AKAP9: variants seen among roughly 807,000 people sequenced by gnomAD.
The protein encoded by AKAP9 is A-kinase anchoring protein 9.
In AKAP9, 311 loss-of-function variants were observed where a neutral mutation model predicts 488.5. The observed-to-expected ratio is 0.64, with a 90% CI of 0.58 to 0.70. AKAP9 has a LOEUF of 0.70. AKAP9 is among the 30% of genes least tolerant of loss of function. The pLI is 0.00. For missense variants in AKAP9, 4,215 were observed against 4,374.5 expected (o/e 0.96, Z 1.03); for synonymous variants, 1,462 against 1,483.5 (o/e 0.99, Z 0.33).
chr7:91,951,480 A>G (rs1487619641), intron 1 of AKAP9, among the ~76,000 whole-genome samples: 2 of 151,996 alleles, frequency 1.3e-5, no homozygotes, highest in Admixed American at 1.3e-4. Flanking sequence ...GCTCACCACC[A>G]TGCCTGGCTA....
chr7:92,103,367 G>A (rs1383554909), intron 46 of AKAP9, among the ~76,000 whole-genome samples: 3 of 119,090 alleles, frequency 2.5e-5, no homozygotes, highest in African/African-American at 9.7e-5. Flanking sequence ...CTCCAGCCAT[G>A]TGACAGAGTG....
At chr7:91,971,653 T>G (rs905020685) in intron 1 of AKAP9, among the ~76,000 whole-genome samples, 1 of 144,838 alleles carries the variant, frequency 6.9e-6, no homozygotes, top group Admixed American at 7.2e-5. Context: ...CTGCAAGCTC[T>G]GCCTCCCGGG....
rs181366165 is a variant in AKAP9, at chr7:91,996,770, C to T, written c.930+970C>T. On this transcript the variant is annotated intron_variant, in intron 7 of 49. Coordinates refer to ENST00000356239, the MANE Select transcript of AKAP9 (RefSeq NM_005751.5). ...ATACTTTTTATAAACTTAGGAGGTTCTTCTGCAAGAGGTTGAGAAATTACC... is the reference window on the plus strand; with the variant it reads ...ATACTTTTTATAAACTTAGGAGGTTTTTCTGCAAGAGGTTGAGAAATTACC... Among the ~76,000 whole-genome samples, 21 of 152,228 alleles carry T rather than the reference C, an allele frequency of 1.4e-4. 1 individual carries two copies. In the East Asian group the frequency reaches 3.9e-3, roughly 28 times the overall value.
chr7:92,047,768 T>A (rs761991122), intron 21 of AKAP9, among the ~76,000 whole-genome samples: 4 of 152,210 alleles, frequency 2.6e-5, no homozygotes, highest in Non-Finnish European at 4.4e-5. Context: ...AATATTGAGA[T>A]AAGAGAAAAA....
intron 6 of AKAP9, 90 bp downstream of exon 6, chr7:91,994,866 A>C: frequency 1.6e-6 from 2 of 1,288,918 alleles, no homozygotes; most frequent in South Asian, 2.7e-5. Context: ...ATTTGTTAAA[A>C]AAGCCATTTC....
intron 1 of AKAP9, among the ~76,000 whole-genome samples, chr7:91,970,694 T>C (rs1562913752): frequency 6.6e-6 from 1 of 152,188 alleles, no homozygotes; most frequent in Non-Finnish European, 1.5e-5. Context: ...ACCTGTATGG[T>C]ATCTGTTGAG....
chr7:91,998,417 T>C (rs909578583), intron 7 of AKAP9, among the ~76,000 whole-genome samples: 23 of 92,440 alleles, frequency 2.5e-4, no homozygotes, highest in African/African-American at 9.2e-4. Flanking sequence ...ACCACAGGGC[T>C]CTTTTTTTTT....
intron 1 of AKAP9, among the ~76,000 whole-genome samples, chr7:91,952,795 G>A (rs891307876): frequency 2.0e-5 from 3 of 152,104 alleles, no homozygotes; most frequent in African/African-American, 7.2e-5. Context: ...AGATTGTGGG[G>A]ATCTATTAAT....
At chr7:91,952,439 C>G (rs1792377762) in intron 1 of AKAP9, among the ~76,000 whole-genome samples, 1 of 152,074 alleles carries the variant, frequency 6.6e-6, no homozygotes. Flanking sequence ...ATTCTGGGTC[C>G]ATGAAAAACA....
chr7:92,061,893 A>T (rs151186638), intron 23 of AKAP9, among the ~76,000 whole-genome samples: 3 of 152,050 alleles, frequency 2.0e-5, no homozygotes, highest in Non-Finnish European at 4.4e-5. Context: ...TACTTAAAAT[A>T]CCAACCTTCT....
Position 92,098,030 on chromosome 7 carries a change from C to T in AKAP9, c.10608-79C>T, listed in dbSNP as rs545315870. The stretch of plus-strand genomic sequence containing the variant: ...AGAAGTGATAGGTGAAGTAGAACGT[C>T]GCCTGCTCTGTAATGTTTGTGGTAG... On this transcript the variant is annotated intron_variant, in intron 42 of 49. Coordinates refer to ENST00000356239, the MANE Select transcript of AKAP9 (RefSeq NM_005751.5). The T allele has an allele frequency of 5.1e-6, 5 of 974,718 alleles. No homozygotes were observed. The East Asian group carries it at 7.5e-5, about 15-fold the overall frequency. The allele number at this position is 974,718 out of a possible 1,614,324, so 60.4% of individuals were successfully genotyped here.
chr7:92,064,678 A>G (rs1334710088), intron 24 of AKAP9, among the ~76,000 whole-genome samples: 8 of 152,330 alleles, frequency 5.3e-5, no homozygotes, highest in Admixed American at 6.5e-5. Flanking sequence ...TGCAAAAGCA[A>G]CTCAGGAATA....
rs1278319125 is a variant in AKAP9 at position 92,034,482 on chromosome 7, A to ATC, written c.4338+2879_4338+2880insCT. ...GAGTTGTATTGTAGTGTATATATCT[A>ATC]TATATATATATATATATTTTTTTTT... On this transcript the variant is annotated intron_variant, in intron 16 of 49. Coordinates refer to ENST00000356239, the MANE Select transcript of AKAP9 (RefSeq NM_005751.5). 6.1e-3 allele frequency among the ~76,000 whole-genome samples: 670 copies of ATC among 109,204 alleles called. 2 individuals are homozygous for ATC. The highest frequency in any genetic ancestry group is 0.021 in the African/African-American group (573 of 26,798). The allele number at this position is 109,204 out of a possible 152,430, so 71.6% of individuals were successfully genotyped here.
intron 46 of AKAP9, among the ~76,000 whole-genome samples, chr7:92,104,719 G>C (rs1818243009): frequency 6.6e-6 from 1 of 152,136 alleles, no homozygotes; most frequent in South Asian, 2.1e-4. Flanking sequence ...CCTTGCTTCT[G>C]ATATTCCATA....
At position 92,089,543 on chromosome 7, in the gene AKAP9, C is replaced by A; in HGVS notation, c.9358+14C>A. 6.2e-7 allele frequency: 1 copy of A among 1,612,206 alleles called. No homozygotes were observed. The highest frequency in any genetic ancestry group is 1.1e-5 in the South Asian group (1 of 90,878). ...AACCAAGCCAAGGTATGTTGTATGACAAGCTCATATGGTTACACAAACAGG... is the reference window on the plus strand; with the variant it reads ...AACCAAGCCAAGGTATGTTGTATGAAAAGCTCATATGGTTACACAAACAGG... On this transcript the variant is annotated intron_variant, in intron 38 of 49. Coordinates refer to ENST00000356239, the MANE Select transcript of AKAP9 (RefSeq NM_005751.5).
rs1408789017 is a variant in AKAP9 at position 92,002,719 on chromosome 7, T to C, written c.2802T>C (p.Val934=). Residue 934 remains valine (V), a synonymous_variant, in exon 8 of 50, where the codon GTT becomes GTC. Coordinates refer to ENST00000356239, the MANE Select transcript of AKAP9 (RefSeq NM_005751.5). ...AAACATTGGAAATGGGTGAGGTTGTTGAAAAGGATACAACAGAACTCATGG... is the reference window on the plus strand; with the variant it reads ...AAACATTGGAAATGGGTGAGGTTGTCGAAAAGGATACAACAGAACTCATGG... ...VAETLEMGEV[V]EKDTTELMEK... 1 of 1,613,604 alleles carries C rather than the reference T, an allele frequency of 6.2e-7. No individual in the cohort carries two copies.
At position 92,108,564 on chromosome 7, in the gene AKAP9, G is replaced by A. The variant is rs745335257; in HGVS notation, c.11617G>A (p.Asp3873Asn). The A allele has an allele frequency of 5.0e-6, 8 of 1,613,988 alleles. No individual in the cohort carries two copies. The African/African-American group carries it at 9.3e-5, about 19-fold the overall frequency. ...ACSQLQNYDP[D>N]RALTDYITRL... ...TTCTCAGCTTCAGAATTACGATCCT[G>A]ACAGAGCCCTAACAGATTATATCAC... Residue 3873 changes from aspartate to asparagine, a missense_variant, in exon 49 of 50, where the codon GAC (aspartate) becomes AAC (asparagine). Around this residue, in one of 5 missense-constraint regions of AKAP9, gnomAD observed 253 missense variants for 266.8 expected, o/e 0.95. Transcript: ENST00000356239.
intron 8 of AKAP9, among the ~76,000 whole-genome samples, chr7:92,007,239 C>T (rs1364915813): frequency 6.7e-6 from 1 of 150,196 alleles, no homozygotes; most frequent in African/African-American, 2.4e-5. Context: ...TCATAATTCC[C>T]ATGTATAATT....
intron 12 of AKAP9, among the ~76,000 whole-genome samples, chr7:92,019,442 CTTATTTAT>C (rs146689649): frequency 1.3e-5 from 2 of 151,616 alleles, no homozygotes; most frequent in African/African-American, 4.8e-5. Flanking sequence ...ACCCGACCTA[CTTATTTAT>C]TTATTTATTT....
Sources: gnomAD v4.1 joint callset for allele counts (sites outside exome capture counted in the v4.1 genomes callset) on GRCh38, gnomAD v4.1.1 for gene constraint, gnomAD v4.1.1 regional missense constraint, MANE v1.5 for transcripts, NCBI Gene and HGNC (gene_info 2026-07-23, HGNC 2026-07-21) for gene names.